The following CFAP20DC variants were observed in gnomAD, a reference collection of about 807,000 sequenced individuals.
CFAP20DC encodes the protein protein CFAP20DC.
A neutral mutation model predicts 101.7 loss-of-function variants in CFAP20DC; 84 were observed. The ratio of observed to expected loss-of-function variants is 0.83; its 90% CI spans 0.69 to 0.99. The LOEUF (loss-of-function observed/expected upper bound fraction) is 0.99. Among genes scored for constraint, CFAP20DC ranks in the 50% least tolerant of loss-of-function variants. CFAP20DC has a pLI of 0.00. For synonymous variants in CFAP20DC, 359 were observed against 351.2 expected (o/e 1.02, Z -0.25); for missense variants, 1,007 against 970.3 (o/e 1.04, Z -0.50).
chr3:58,932,630 A>C (rs1002360534), intron 5 of CFAP20DC, among the ~76,000 whole-genome samples: 1 of 152,190 alleles, frequency 6.6e-6, no homozygotes, highest in East Asian at 1.9e-4. Flanking sequence ...AACATTCTTA[A>C]AGAAAAGAAT....
intron 4 of CFAP20DC, among the ~76,000 whole-genome samples, chr3:58,963,989 C>G (rs1330738266): frequency 6.6e-6 from 1 of 152,166 alleles, no homozygotes. Flanking sequence ...TAGACAGGAC[C>G]TAAGGCCATC....
At chr3:58,718,824 T>C (rs931514776) in intron 3 of CFAP20DC, among the ~76,000 whole-genome samples, 2 of 152,236 alleles carry the variant, frequency 1.3e-5, no homozygotes, top group Non-Finnish European at 2.9e-5. Context: ...AGTTATATAC[T>C]GATCTCTTCT....
At chr3:58,940,535 T>G (rs544890946) in intron 4 of CFAP20DC, among the ~76,000 whole-genome samples, 121 of 152,318 alleles carry the variant, frequency 7.9e-4, no homozygotes, top group Non-Finnish European at 1.4e-3. Context: ...AGACTCTCCT[T>G]TTTTCACTGA....
intron 6 of CFAP20DC, among the ~76,000 whole-genome samples, chr3:58,890,936 C>T (rs1248838916): frequency 6.8e-6 from 1 of 146,426 alleles, no homozygotes; most frequent in Non-Finnish European, 1.5e-5. Context: ...TCCTCACTTT[C>T]CAGACTGGGC....
intron 13 of CFAP20DC, 76 bp downstream of exon 13, chr3:58,848,956 A>G (rs972133198): frequency 6.3e-6 from 9 of 1,439,628 alleles, no homozygotes; most frequent in Non-Finnish European, 6.4e-6. Context: ...AGATACTGCT[A>G]AAAACATGGG....
rs1047136510 is a variant in CFAP20DC at position 59,002,902 on chromosome 3, G to C, written c.278+36655C>G. On this transcript the variant is annotated intron_variant, in intron 4 of 16. Transcript: ENST00000482387. The surrounding 1 kb of genome is among the most constrained non-coding windows in gnomAD (Gnocchi z 4.5). Reference sequence around the variant, plus strand: ...TCCTTTTACATCTAAAGAAACTGAGGCTCCCAGAAAATGAAGTCACTTGCC... The same window carrying C: ...TCCTTTTACATCTAAAGAAACTGAGCCTCCCAGAAAATGAAGTCACTTGCC... Among the ~76,000 whole-genome samples, 8 of 152,074 alleles carry C rather than the reference G, an allele frequency of 5.3e-5. No homozygotes were observed. Among genetic ancestry groups the C allele is most frequent in the Admixed American group, 4.6e-4 (7 of 15,268 alleles).
At chr3:59,024,478 T>C (rs887095307) in intron 4 of CFAP20DC, among the ~76,000 whole-genome samples, 1 of 152,166 alleles carries the variant, frequency 6.6e-6, no homozygotes, top group African/African-American at 2.4e-5. Flanking sequence ...AAGACCATTA[T>C]GTAATAAATG....
chr3:58,951,996 C>T (rs77059051), intron 4 of CFAP20DC, among the ~76,000 whole-genome samples: 1 of 152,308 alleles, frequency 6.6e-6, no homozygotes, highest in Non-Finnish European at 1.5e-5. Flanking sequence ...ACAAAAACGT[C>T]TGAGTGCCCC....
intron 5 of CFAP20DC, among the ~76,000 whole-genome samples, chr3:58,931,558 T>A (rs1246174510): frequency 6.6e-6 from 1 of 152,092 alleles, no homozygotes; most frequent in Non-Finnish European, 1.5e-5. Flanking sequence ...CACGGGCGGG[T>A]ACTCCTCTGA....
intron 5 of CFAP20DC, among the ~76,000 whole-genome samples, chr3:58,927,588 G>A (rs554980396): frequency 3.0e-4 from 45 of 152,330 alleles, no homozygotes; most frequent in African/African-American, 9.9e-4. Flanking sequence ...AGGAAGGTCT[G>A]AAATTAGGAA....
At chr3:58,774,449 G>T (rs2071138345) in intron 15 of CFAP20DC, among the ~76,000 whole-genome samples, 1 of 152,092 alleles carries the variant, frequency 6.6e-6, no homozygotes, top group African/African-American at 2.4e-5. Flanking sequence ...TTCCCTTGTA[G>T]GAAAAATACA....
At chr3:58,853,081 C>G (rs1410055138) in intron 12 of CFAP20DC, among the ~76,000 whole-genome samples, 1 of 151,928 alleles carries the variant, frequency 6.6e-6, no homozygotes, top group South Asian at 2.1e-4. Flanking sequence ...ATTGATAGAC[C>G]GCTAGCAAGA....
At position 58,717,435 on chromosome 3, in the gene CFAP20DC, C is replaced by T; in HGVS notation, c.*153G>A. On this transcript the variant is annotated 3_prime_UTR_variant, in exon 4 of 4. Transcript: ENST00000486145. The surrounding 1 kb of genome is among the most constrained non-coding windows in gnomAD (Gnocchi z 4.1). ...AAACTCTGAATTGTGTCCAAGGATG[C>T]TTTGGGATCTGTAGACAAAAGATGC... The T allele has an allele frequency of 3.8e-6, 1 of 263,682 alleles. No individual in the cohort carries two copies. The highest frequency in any genetic ancestry group is 3.6e-5 in the South Asian group (1 of 27,766). The allele number at this position is 263,682 out of a possible 1,614,324, so 16.3% of individuals were successfully genotyped here. A position where few individuals can be genotyped will look rare whatever the true frequency, so the allele number is the denominator to read the frequency against.
intron 6 of CFAP20DC, among the ~76,000 whole-genome samples, chr3:58,902,660 C>G (rs1018156214): frequency 6.6e-6 from 1 of 152,060 alleles, no homozygotes; most frequent in Non-Finnish European, 1.5e-5. Context: ...GTTCTTTATA[C>G]AGTCATCCCT....
In CFAP20DC at chr3:58,849,380, G is replaced by A; in HGVS notation, c.1623C>T (p.Gly541=). 7 of 1,535,036 alleles carry A rather than the reference G, an allele frequency of 4.6e-6. No homozygotes were observed. Among genetic ancestry groups the A allele is most frequent in the Non-Finnish European group, 6.1e-6 (7 of 1,146,296 alleles). The stretch of plus-strand genomic sequence containing the variant: ...TTAACTCTGAAGGACCAGTTGTTGG[G>A]CCTCGAGAACCCTGGATACTGTGGT... ...EGNHSIQGSR[G]PTTGPSELTQ... Residue 541 remains glycine, a synonymous_variant, in exon 13 of 17, where the codon GGC becomes GGT. Coordinates refer to ENST00000482387, the MANE Select transcript of CFAP20DC (RefSeq NM_001394063.1).
At chr3:58,748,262 T>C (rs2068337667) in intron 16 of CFAP20DC, among the ~76,000 whole-genome samples, 1 of 152,074 alleles carries the variant, frequency 6.6e-6, no homozygotes, top group Non-Finnish European at 1.5e-5. Context: ...CATAATCTCT[T>C]AGGAGCCTGA....
At chr3:58,968,700 C>A (rs2091757446) in intron 4 of CFAP20DC, among the ~76,000 whole-genome samples, 1 of 152,130 alleles carries the variant, frequency 6.6e-6, no homozygotes, top group South Asian at 2.1e-4. Context: ...TGTGCAGAAG[C>A]TCTTAAGGTT....
intron 4 of CFAP20DC, chr3:58,970,360 G>A (rs1559918351): frequency 6.6e-6 from 1 of 152,076 alleles, no homozygotes; most frequent in Non-Finnish European, 1.5e-5. Context: ...ATAAATAGGG[G>A]GAAATCTGAA....
chr3:59,018,432 C>T (rs1319952708), intron 4 of CFAP20DC: 1 of 151,990 alleles, frequency 6.6e-6, no homozygotes, highest in Non-Finnish European at 1.5e-5. Flanking sequence ...TATGAGAAAA[C>T]CTGGTAGAGA....
Sources: allele counts gnomAD v4.1 joint callset (sites outside exome capture counted in the v4.1 genomes callset), GRCh38; gene constraint gnomAD v4.1.1; non-coding constraint Gnocchi (gnomAD v3.1); transcripts MANE v1.5; gene names NCBI Gene and HGNC (gene_info 2026-07-23, HGNC 2026-07-21).